Variants in PRICKLE2 observed in about 807,000 individuals in gnomAD.
PRICKLE2 encodes prickle planar cell polarity protein 2, also known as prickle-like protein 2.
A neutral mutation model predicts 81.4 loss-of-function variants in PRICKLE2; 21 were observed. That is an observed-to-expected ratio of 0.26 (90% CI 0.18 to 0.37). The LOEUF is 0.37. Ranked by LOEUF, PRICKLE2 falls within the 10% of genes least tolerant of loss-of-function variation. The probability of loss-of-function intolerance (pLI) is 1.00; values close to 1 mark genes in which losing one functional copy is unlikely to be tolerated. For synonymous variants in PRICKLE2, 456 were observed against 421.5 expected (o/e 1.08, Z -1.00); for missense variants, 940 against 1,109.0 (o/e 0.85, Z 2.16).
chr3:64,164,264 C>G (rs2077787765), intron 2 of PRICKLE2, among the ~76,000 whole-genome samples: 1 of 152,148 alleles, frequency 6.6e-6, no homozygotes, highest in South Asian at 2.1e-4. Context: ...GTAATCCCAG[C>G]TACTCAGGAG....
chr3:64,257,689 T>C (rs1162084270), intron 2 of PRICKLE2, among the ~76,000 whole-genome samples: 4 of 152,092 alleles, frequency 2.6e-5, no homozygotes, highest in South Asian at 4.1e-4. Flanking sequence ...CAAGAGAATG[T>C]AGGCATGGCC....
Position 64,094,625 on chromosome 3 carries a change from C to G in PRICKLE2, c.*4426G>C, listed in dbSNP as rs769408749. 6.6e-6 allele frequency: 1 copy of G among 152,136 alleles called. No homozygotes were observed. The highest frequency in any genetic ancestry group is 6.5e-5 in the Admixed American group (1 of 15,274). 9.4% of individuals were successfully genotyped at this position (152,136 alleles called of 1,614,324 possible). A position where few individuals can be genotyped will look rare whatever the true frequency, so the allele number is the denominator to read the frequency against. On this transcript the variant is annotated 3_prime_UTR_variant, in exon 8 of 8. Transcript: ENST00000638394. ...TTATGGGAGTCTTGTGTTGACTAGGCTACTATTATGAGAAAATGGAAAAAG... is the reference window on the plus strand; with the variant it reads ...TTATGGGAGTCTTGTGTTGACTAGGGTACTATTATGAGAAAATGGAAAAAG...
At chr3:64,265,371 A>T (rs1288559248) in intron 2 of PRICKLE2, among the ~76,000 whole-genome samples, 2 of 152,156 alleles carry the variant, frequency 1.3e-5, no homozygotes, top group Non-Finnish European at 2.9e-5. Context: ...AGCTAAAAAA[A>T]ATCATTCCCT....
At chr3:64,161,435 T>C (rs766257475) in intron 3 of PRICKLE2, among the ~76,000 whole-genome samples, 2 of 152,134 alleles carry the variant, frequency 1.3e-5, no homozygotes, top group East Asian at 1.9e-4. Context: ...ACATCCTAAT[T>C]TGAAAACCAG....
chr3:64,247,709 A>G (rs922811026), intron 2 of PRICKLE2, among the ~76,000 whole-genome samples: 3 of 152,232 alleles, frequency 2.0e-5, no homozygotes, highest in Non-Finnish European at 4.4e-5. Context: ...CATATGAGAA[A>G]GTTAACTCCC....
At position 64,223,566 on chromosome 3, in the gene PRICKLE2, G is replaced by T. The variant is rs1186851851; in HGVS notation, c.-41+1344C>A. ...AAACAATGCTATTTTACTCTTTCTGGCTGCCCCGTGAATCTTTATAGACTG... is the reference window on the plus strand; with the variant it reads ...AAACAATGCTATTTTACTCTTTCTGTCTGCCCCGTGAATCTTTATAGACTG... On this transcript the variant is annotated intron_variant, in intron 1 of 7. Transcript: ENST00000638394. 2.0e-5 allele frequency among the ~76,000 whole-genome samples: 3 copies of T among 151,938 alleles called. No homozygotes were observed. In the South Asian group the frequency reaches 6.2e-4, roughly 32 times the overall value.
upstream of PRICKLE2, among the ~76,000 whole-genome samples, chr3:64,227,847 G>C (rs550486112): frequency 6.6e-6 from 1 of 152,196 alleles, no homozygotes; most frequent in Non-Finnish European, 1.5e-5. Context: ...TAACTTCAGC[G>C]CAAATTAGTT....
intron 2 of PRICKLE2, among the ~76,000 whole-genome samples, chr3:64,246,707 A>G (rs2079361710): frequency 6.6e-6 from 1 of 152,214 alleles, no homozygotes; most frequent in South Asian, 2.1e-4. Context: ...TGATATGTGG[A>G]TCACACTTTG....
At position 64,236,971 on chromosome 3, in the gene PRICKLE2, A is replaced by G. The variant is rs568001133; in HGVS notation, c.129-38004T>C. Among the ~76,000 whole-genome samples the G allele has an allele frequency of 5.3e-5, 8 of 152,334 alleles. No homozygotes were observed. The South Asian group carries it at 1.4e-3, about 28-fold the overall frequency. ...TCTCTGCATCTGAGTGAAATGGGATAGTTCCCTTAACCCCTTTGTGGGACT... is the reference window on the plus strand; with the variant it reads ...TCTCTGCATCTGAGTGAAATGGGATGGTTCCCTTAACCCCTTTGTGGGACT... On this transcript the variant is annotated intron_variant, in intron 2 of 8. Transcript: ENST00000295902.
At chr3:64,243,159 A>T (rs2079293430) in intron 2 of PRICKLE2, among the ~76,000 whole-genome samples, 1 of 152,232 alleles carries the variant, frequency 6.6e-6, no homozygotes, top group African/African-American at 2.4e-5. Flanking sequence ...TCCCTTGAAG[A>T]CAGCTTTTTA....
In PRICKLE2 at chr3:64,099,495, G is replaced by A. The variant is rs1479350804; in HGVS notation, c.2091C>T (p.Asn697=). The A allele has an allele frequency of 1.8e-5, 29 of 1,593,352 alleles. No individual in the cohort carries two copies. The highest frequency in any genetic ancestry group is 6.8e-5 in the Admixed American group (4 of 59,180). Residue 697 remains asparagine (N), a synonymous_variant, in exon 8 of 8, where the codon AAC becomes AAT. Transcript: ENST00000638394. This position sits in a 1 kb window ranked among gnomAD's most constrained non-coding sequence, Gnocchi z 4.3. The stretch of plus-strand genomic sequence containing the variant: ...CGCGTTCGCTGGCCAGGTGGAGGGC[G>A]TTGTCGGAGCGAGAGCGTCGGGAAC... ...SRRSRRSRSD[N]ALHLASEREA...
intron 7 of PRICKLE2, among the ~76,000 whole-genome samples, chr3:64,136,953 G>T (rs2077288796): frequency 6.6e-6 from 1 of 152,178 alleles, no homozygotes; most frequent in South Asian, 2.1e-4. Context: ...GGTTACAAAT[G>T]CCACACAGAT....
chr3:64,174,698 T>G (rs2077991057), intron 2 of PRICKLE2: 2 of 205,016 alleles, frequency 9.8e-6, no homozygotes, highest in Non-Finnish European at 2.2e-5. Flanking sequence ...ATTTCACCTT[T>G]GTGTGTCGAC....
intron 2 of PRICKLE2, among the ~76,000 whole-genome samples, chr3:64,260,199 G>C (rs1339542614): frequency 6.6e-6 from 1 of 152,066 alleles, no homozygotes; most frequent in Non-Finnish European, 1.5e-5. Context: ...CTCTTGTGAG[G>C]CTCCCCTGGC....
chr3:64,234,176 A>G lies in PRICKLE2; in HGVS notation c.129-35209T>C, dbSNP rs536050289. On this transcript the variant is annotated intron_variant, in intron 2 of 8. Coordinates refer to the PRICKLE2 transcript ENST00000295902. ...TGCATGCTTTTTATTTTCCTTGGAT[A>G]CATATCTAGTAGTGGGATTGCTGGG... Among the ~76,000 whole-genome samples, 168 of 152,240 alleles carry G rather than the reference A, an allele frequency of 1.1e-3. 1 individual carries two copies. Among genetic ancestry groups the G allele is most frequent in the Middle Eastern group, 3.4e-3 (1 of 294 alleles).
chr3:64,126,570 C>T (rs1339346643), intron 7 of PRICKLE2, among the ~76,000 whole-genome samples: 1 of 152,026 alleles, frequency 6.6e-6, no homozygotes, highest in Non-Finnish European at 1.5e-5. Flanking sequence ...TGACTGTGGG[C>T]AGGTTTCTTT....
intron 1 of PRICKLE2, among the ~76,000 whole-genome samples, chr3:64,222,474 A>G (rs904767542): frequency 6.6e-6 from 1 of 152,194 alleles, no homozygotes; most frequent in African/African-American, 2.4e-5. Flanking sequence ...GAGGAAAGGG[A>G]GAAACAGCAG....
intron 7 of PRICKLE2, among the ~76,000 whole-genome samples, chr3:64,135,922 G>A (rs1053395932): frequency 6.6e-6 from 1 of 152,084 alleles, no homozygotes; most frequent in African/African-American, 2.4e-5. Flanking sequence ...ATTCTAGAGC[G>A]GAAACAGGTC....
At chr3:64,262,686 T>C (rs1395684441) in intron 2 of PRICKLE2, among the ~76,000 whole-genome samples, 1 of 150,208 alleles carries the variant, frequency 6.7e-6, no homozygotes, top group African/African-American at 2.4e-5. Context: ...AGGAGGAAGA[T>C]AAAGTAAGAG....
Sources: allele counts gnomAD v4.1 joint callset (sites outside exome capture counted in the v4.1 genomes callset), GRCh38; gene constraint gnomAD v4.1.1; non-coding constraint Gnocchi (gnomAD v3.1); transcripts MANE v1.5; gene names NCBI Gene and HGNC (gene_info 2026-07-23, HGNC 2026-07-21).